SPAG16: variants seen among roughly 807,000 people sequenced by gnomAD.
SPAG16 encodes sperm-associated antigen 16 protein.
Under a neutral mutation model 80.4 loss-of-function variants are expected in SPAG16, and 86 were observed. That is an observed-to-expected ratio of 1.07 (90% CI 0.90 to 1.28). The LOEUF (loss-of-function observed/expected upper bound fraction) is 1.28. Ranked by LOEUF, SPAG16 falls within the 50% of genes most tolerant of loss-of-function variation. The pLI, the probability that SPAG16 is intolerant of heterozygous loss-of-function variation, is 0.00. For synonymous variants in SPAG16, 294 were observed against 265.9 expected, an observed-to-expected ratio of 1.11 and a Z score of -1.03; for missense variants, 870 against 765.3, an observed-to-expected ratio of 1.14 and a Z score of -1.61.
chr2:213,435,941 A>T (rs1352333139), intron 9 of SPAG16, among the ~76,000 whole-genome samples: 1 of 152,182 alleles, frequency 6.6e-6, no homozygotes, highest in African/African-American at 2.4e-5. Flanking sequence ...GAACTAGTTC[A>T]TGTTTCATTT....
intron 11 of SPAG16, among the ~76,000 whole-genome samples, chr2:213,889,017 A>G (rs2076675144): frequency 6.6e-6 from 1 of 151,916 alleles, no homozygotes; most frequent in Non-Finnish European, 1.5e-5. Context: ...AAAACACCAT[A>G]AAATATTTAT....
chr2:214,365,081 T>A (rs1699392543), intron 15 of SPAG16, among the ~76,000 whole-genome samples: 1 of 152,114 alleles, frequency 6.6e-6, no homozygotes, highest in Admixed American at 6.6e-5. Flanking sequence ...GGAATGTGGC[T>A]GCTAGAGGAT....
intron 10 of SPAG16, among the ~76,000 whole-genome samples, chr2:213,637,985 C>T (rs2062434747): frequency 6.6e-6 from 1 of 152,148 alleles, no homozygotes; most frequent in Non-Finnish European, 1.5e-5. Context: ...TCTCGATTTC[C>T]TGACCTCGTG....
At chr2:214,276,473 CT>C (rs1346647602) in intron 15 of SPAG16, among the ~76,000 whole-genome samples, 1 of 152,154 alleles carries the variant, frequency 6.6e-6, no homozygotes, top group Admixed American at 6.5e-5. Flanking sequence ...TTCAGGAGCT[CT>C]TTTAAGGCAG....
At chr2:213,667,829 A>G (rs915299293) in intron 10 of SPAG16, among the ~76,000 whole-genome samples, 1 of 152,290 alleles carries the variant, frequency 6.6e-6, no homozygotes, top group African/African-American at 2.4e-5. Context: ...CTATTTTTAC[A>G]AATGCTTTCT....
At chr2:214,152,719 C>A (rs1001955085) in intron 15 of SPAG16, among the ~76,000 whole-genome samples, 26 of 152,080 alleles carry the variant, frequency 1.7e-4, no homozygotes, top group African/African-American at 6.3e-4. Context: ...GGATACAAAG[C>A]AAAAGGGGCA....
At chr2:214,249,885 C>G (rs938804922) in intron 15 of SPAG16, among the ~76,000 whole-genome samples, 1 of 152,120 alleles carries the variant, frequency 6.6e-6, no homozygotes, top group Admixed American at 6.6e-5. Context: ...AACTAAAACT[C>G]TAATCTCAGT....
chr2:214,323,561 C>G (rs1696261887), intron 15 of SPAG16, among the ~76,000 whole-genome samples: 1 of 152,146 alleles, frequency 6.6e-6, no homozygotes, highest in South Asian at 2.1e-4. Flanking sequence ...AAGGATTTTT[C>G]TCAGCCTAGA....
intron 10 of SPAG16, among the ~76,000 whole-genome samples, chr2:213,613,658 G>C (rs1473562059): frequency 6.6e-6 from 1 of 151,994 alleles, no homozygotes. Flanking sequence ...TTTCTCCTTA[G>C]CACATATTTT....
chr2:214,314,702 A>T (rs998516495), intron 15 of SPAG16, among the ~76,000 whole-genome samples: 15 of 152,330 alleles, frequency 9.8e-5, no homozygotes, highest in Non-Finnish European at 1.5e-5. Context: ...GAAGTAATTG[A>T]TTAAGTTAGG....
intron 9 of SPAG16, among the ~76,000 whole-genome samples, chr2:213,376,727 A>G (rs1368286975): frequency 2.0e-5 from 3 of 152,118 alleles, no homozygotes; most frequent in Non-Finnish European, 4.4e-5. Flanking sequence ...TAACATTTAC[A>G]TTTGTTCTAT....
chr2:213,538,815 GTATCTATT>G (rs149174449), intron 10 of SPAG16, among the ~76,000 whole-genome samples: 26,082 of 151,886 alleles, frequency 0.17, 3,024 homozygotes, highest in Non-Finnish European at 0.26. Context: ...ACATATGTAC[GTATCTATT>G]TATCTATTTA....
intron 10 of SPAG16, among the ~76,000 whole-genome samples, chr2:213,609,331 T>TG (rs113435593): frequency 0.061 from 9,322 of 152,296 alleles, 932 homozygotes; most frequent in African/African-American, 0.21. Flanking sequence ...TTTAGAGCAA[T>TG]GGTAACCTCT....
At chr2:213,799,284 CTTATT>C (rs1233307218) in intron 10 of SPAG16, among the ~76,000 whole-genome samples, 49 of 152,148 alleles carry the variant, frequency 3.2e-4, no homozygotes, top group African/African-American at 1.1e-3. Context: ...AAATTTTTCA[CTTATT>C]TTATTAAATT....
At chr2:214,380,129 T>G (rs1413476516) in intron 15 of SPAG16, among the ~76,000 whole-genome samples, 4 of 152,158 alleles carry the variant, frequency 2.6e-5, no homozygotes, top group Admixed American at 2.6e-4. Flanking sequence ...GTGCACTAGA[T>G]TTATGTCATT....
At chr2:214,055,881 T>C (rs554834305) in intron 13 of SPAG16, among the ~76,000 whole-genome samples, 1 of 152,270 alleles carries the variant, frequency 6.6e-6, no homozygotes, top group South Asian at 2.1e-4. Flanking sequence ...CATGCAATCA[T>C]TTATGAAAGG....
intron 11 of SPAG16, among the ~76,000 whole-genome samples, chr2:213,898,590 T>TTAAAC: frequency 6.6e-6 from 1 of 152,202 alleles, no homozygotes; most frequent in Non-Finnish European, 1.5e-5. Flanking sequence ...TTTTAATGAT[T>TTAAAC]ATAAAATCTT....
At chr2:214,145,219 ATAG>A (rs2055578721) in intron 14 of SPAG16, among the ~76,000 whole-genome samples, 1 of 151,980 alleles carries the variant, frequency 6.6e-6, no homozygotes, top group African/African-American at 2.4e-5. Context: ...GTGCAGAGAG[ATAG>A]TAGTTCAGTC....
In SPAG16 at chr2:214,203,020, G is replaced by C. The variant is rs531710976; in HGVS notation, c.1720+53754G>C. Among the ~76,000 whole-genome samples, 7 of 152,216 alleles carry C rather than the reference G, an allele frequency of 4.6e-5. No homozygotes were observed. In the East Asian group the frequency reaches 1.4e-3, roughly 29 times the overall value. On this transcript the variant is annotated intron_variant, in intron 15 of 15. Transcript: ENST00000331683. ...TCTCTCACGAGGTGAAGTCAGTGTAGAATACCAAAACAGGTTTTAAATTCT... is the reference window on the plus strand; with the variant it reads ...TCTCTCACGAGGTGAAGTCAGTGTACAATACCAAAACAGGTTTTAAATTCT...
Sources: gnomAD v4.1 joint callset for allele counts (sites outside exome capture counted in the v4.1 genomes callset) on GRCh38, gnomAD v4.1.1 for gene constraint, MANE v1.5 for transcripts, NCBI Gene and HGNC (gene_info 2026-07-23, HGNC 2026-07-21) for gene names.